ST8SIA6: variants seen among roughly 807,000 people sequenced by gnomAD.
ST8SIA6 encodes the protein ST8 alpha-N-acetyl-neuraminide alpha-2,8-sialyltransferase 6, also known as alpha-2,8-sialyltransferase 8F.
A neutral mutation model predicts 33.6 loss-of-function variants in ST8SIA6; 39 were observed. That is an observed-to-expected ratio of 1.16 (90% CI 0.90 to 1.52). ST8SIA6 has a LOEUF of 1.52. Among genes scored for constraint, ST8SIA6 ranks in the 40% most tolerant of loss-of-function variants. The pLI is 0.00. For synonymous variants in ST8SIA6, 172 were observed against 167.2 expected (o/e 1.03, Z -0.22); for missense variants, 441 against 443.8 (o/e 0.99, Z 0.06).
chr10:17,444,314 C>G (rs555695846), intron 2 of ST8SIA6, among the ~76,000 whole-genome samples: 33 of 152,150 alleles, frequency 2.2e-4, no homozygotes, highest in Non-Finnish European at 4.4e-5. Context: ...TATTGTCTGT[C>G]GAACGTTGCC....
At chr10:17,413,682 T>C (rs1034034488) in intron 2 of ST8SIA6, among the ~76,000 whole-genome samples, 24 of 152,340 alleles carry the variant, frequency 1.6e-4, no homozygotes, top group African/African-American at 5.5e-4. Context: ...ATAAACAATT[T>C]TGATATTCTT....
intron 2 of ST8SIA6, among the ~76,000 whole-genome samples, chr10:17,413,907 G>T (rs78937865): frequency 0.023 from 3,530 of 152,140 alleles, 147 homozygotes; most frequent in African/African-American, 0.08. Context: ...TTTATCACTA[G>T]TTTCATATAA....
chr10:17,327,400 G>A (rs1349834016), intron 5 of ST8SIA6, among the ~76,000 whole-genome samples: 1 of 151,904 alleles, frequency 6.6e-6, no homozygotes, highest in African/African-American at 2.4e-5. Context: ...GCCTGGCCAA[G>A]ATGGTGAAAC....
At chr10:17,414,654 G>T (rs909332948) in intron 2 of ST8SIA6, among the ~76,000 whole-genome samples, 2 of 152,150 alleles carry the variant, frequency 1.3e-5, no homozygotes, top group African/African-American at 4.8e-5. Context: ...CTGCTGGCTG[G>T]GTCCTCACAT....
chr10:17,386,358 G>A (rs1850347249), intron 3 of ST8SIA6, among the ~76,000 whole-genome samples: 1 of 151,814 alleles, frequency 6.6e-6, no homozygotes, highest in African/African-American at 2.4e-5. Context: ...GGCCAATATG[G>A]TGAAACCCTG....
intron 4 of ST8SIA6, among the ~76,000 whole-genome samples, chr10:17,334,364 C>T (rs960627906): frequency 6.6e-6 from 1 of 151,090 alleles, no homozygotes; most frequent in Non-Finnish European, 1.5e-5. Context: ...ACGGTGAAAC[C>T]CCATTTCTAC....
intron 3 of ST8SIA6, among the ~76,000 whole-genome samples, chr10:17,371,424 C>A (rs1849727457): frequency 6.6e-6 from 1 of 151,832 alleles, no homozygotes; most frequent in Admixed American, 6.6e-5. Flanking sequence ...AGAAATGAGG[C>A]CTGAGGATTG....
At chr10:17,357,371 C>T (rs561768405) in intron 4 of ST8SIA6, among the ~76,000 whole-genome samples, 2 of 151,176 alleles carry the variant, frequency 1.3e-5, no homozygotes, top group East Asian at 2.0e-4. Context: ...CTCCTGATCT[C>T]GTGATCCACC....
intron 2 of ST8SIA6, among the ~76,000 whole-genome samples, chr10:17,423,860 G>A (rs189720086): frequency 1.3e-5 from 2 of 152,296 alleles, no homozygotes; most frequent in African/African-American, 4.8e-5. Context: ...CTTACTAGGT[G>A]CTCTGTAGAT....
intron 3 of ST8SIA6, among the ~76,000 whole-genome samples, chr10:17,368,868 G>A (rs1849645643): frequency 6.6e-6 from 1 of 152,142 alleles, no homozygotes; most frequent in South Asian, 2.1e-4. Flanking sequence ...ATCCAGTCAT[G>A]AAGGTGGCAG....
chr10:17,439,816 T>C (rs546738153), intron 2 of ST8SIA6, among the ~76,000 whole-genome samples: 159 of 152,342 alleles, frequency 1.0e-3, no homozygotes, highest in African/African-American at 3.1e-3. Flanking sequence ...ATGCTGAGGC[T>C]ATCTCCCAGG....
chr10:17,450,131 T>G (rs182680471), intron 2 of ST8SIA6, among the ~76,000 whole-genome samples: 10 of 152,122 alleles, frequency 6.6e-5, no homozygotes, highest in Admixed American at 6.5e-4. Context: ...TCATAGCAAA[T>G]GTCGCAGAGA....
intron 2 of ST8SIA6, among the ~76,000 whole-genome samples, chr10:17,416,667 T>C (rs1278098611): frequency 6.6e-6 from 1 of 152,194 alleles, no homozygotes; most frequent in Non-Finnish European, 1.5e-5. Context: ...TCTTTATCGG[T>C]ACTTCTATTG....
In ST8SIA6 at chr10:17,388,915, C is replaced by T. The variant is rs191754002; in HGVS notation, c.290+1616G>A. ...AATTACAGTTTAGGGGTCATGCAGA[C>T]TCTGGCTCCAAGAGTCTGAACCTCC... On this transcript the variant is annotated intron_variant, in intron 3 of 7. Coordinates refer to ENST00000377602, the MANE Select transcript of ST8SIA6 (RefSeq NM_001004470.3). 5.4e-3 allele frequency among the ~76,000 whole-genome samples: 825 copies of T among 152,266 alleles called. 3 individuals are homozygous for T. Among genetic ancestry groups the T allele is most frequent in the Admixed American group, 0.015 (231 of 15,294 alleles).
intron 2 of ST8SIA6, among the ~76,000 whole-genome samples, chr10:17,437,644 T>TCCTC (rs1852317746): frequency 7.2e-6 from 1 of 139,218 alleles, no homozygotes; most frequent in South Asian, 2.4e-4. Flanking sequence ...CTTCCTTCCT[T>TCCTC]CCTTCCTTCC....
At chr10:17,436,125 T>C (rs1477267999) in intron 2 of ST8SIA6, among the ~76,000 whole-genome samples, 1 of 152,210 alleles carries the variant, frequency 6.6e-6, no homozygotes, top group Non-Finnish European at 1.5e-5. Context: ...CACTCACCAG[T>C]CAGAGCTTGC....
At chr10:17,366,071 T>C (rs1453698509) in intron 3 of ST8SIA6, among the ~76,000 whole-genome samples, 1 of 152,188 alleles carries the variant, frequency 6.6e-6, no homozygotes, top group Non-Finnish European at 1.5e-5. Flanking sequence ...GGTAATACTC[T>C]TTAAAGGAAT....
chr10:17,404,726 A>G (rs1051344267), intron 2 of ST8SIA6, among the ~76,000 whole-genome samples: 2 of 152,076 alleles, frequency 1.3e-5, no homozygotes, highest in South Asian at 2.1e-4. Context: ...CTCCTTGCCT[A>G]TAAATCCCCA....
chr10:17,341,709 G>T (rs1848677999), intron 4 of ST8SIA6, among the ~76,000 whole-genome samples: 1 of 151,660 alleles, frequency 6.6e-6, no homozygotes, highest in Admixed American at 6.6e-5. Context: ...GACCAGCCTG[G>T]CCAACATGGT....
Sources: allele counts gnomAD v4.1 joint callset (sites outside exome capture counted in the v4.1 genomes callset), GRCh38; gene constraint gnomAD v4.1.1; transcripts MANE v1.5; gene names NCBI Gene and HGNC (gene_info 2026-07-23, HGNC 2026-07-21).